Variants in VIPR1 observed in about 807,000 individuals in gnomAD.
VIPR1 encodes vasoactive intestinal peptide receptor 1, also known as vasoactive intestinal polypeptide receptor 1.
Under a neutral mutation model 58.8 loss-of-function variants are expected in VIPR1, and 59 were observed. That is an observed-to-expected ratio of 1.00 (90% CI 0.81 to 1.25). The LOEUF (loss-of-function observed/expected upper bound fraction) is 1.25. VIPR1 is among the 50% of genes most tolerant of loss of function. The pLI, the probability that VIPR1 is intolerant of heterozygous loss-of-function variation, is 0.00. For synonymous variants in VIPR1, 251 were observed against 242.1 expected (o/e 1.04, Z -0.34); for missense variants, 626 against 602.7 (o/e 1.04, Z -0.40).
chr3:42,520,955 G>A (rs1700886224), intron 3 of VIPR1, among the ~76,000 whole-genome samples: 1 of 152,126 alleles, frequency 6.6e-6, no homozygotes, highest in Admixed American at 6.5e-5. Context: ...GGGACACCCA[G>A]TGCCTGGGCA....
upstream of VIPR1, among the ~76,000 whole-genome samples, chr3:42,499,386 G>A (rs1220778078): frequency 6.6e-6 from 1 of 152,216 alleles, no homozygotes; most frequent in Non-Finnish European, 1.5e-5. Context: ...GGCTCAGAAT[G>A]AGTAACTGCA....
intron 6 of VIPR1, chr3:42,530,564 T>A: frequency 1.8e-6 from 1 of 544,356 alleles, no homozygotes; most frequent in Non-Finnish European, 3.2e-6. Flanking sequence ...GATGGATGGA[T>A]AATTAAAATC....
chr3:42,531,640 C>T (rs953013164), intron 8 of VIPR1, 109 bp downstream of exon 8: 14 of 1,562,120 alleles, frequency 9.0e-6, no homozygotes, highest in African/African-American at 5.4e-5. Context: ...CCACAGCTCT[C>T]GGGCCAGAGG....
In VIPR1 at chr3:42,535,010, T is replaced by C. The variant is rs2125681483; in HGVS notation, c.1046T>C (p.Leu349Pro). 6.2e-7 allele frequency: 1 copy of C among 1,614,156 alleles called. No individual in the cohort carries two copies. The highest frequency in any genetic ancestry group is 2.2e-5 in the East Asian group (1 of 44,874). The change falls in exon 11 of 13, where the codon CTG becomes CCG. Residue 349 changes from leucine to proline, a missense_variant. Transcript: ENST00000325123. ...AGGTCCACACTCCTGCTGATCCCCC[T>C]GTTTGGAGTACACTACATCATGTTC... ...LARSTLLLIPLFGVHYIMFAF... is the reference protein window; with the variant it reads ...LARSTLLLIPPFGVHYIMFAF...
rs1700788227 is a variant in VIPR1, at chr3:42,519,251, C to T, written c.213C>T (p.Thr71=). Residue 71 remains threonine (T), a synonymous_variant, in exon 3 of 13, where the codon ACC becomes ACT. Transcript: ENST00000325123. Reference sequence around the variant, plus strand: ...GCAGCAAGATGTGGGACAACCTCACCTGCTGGCCAGCCACCCCTCGGGGCC... The same window carrying T: ...GCAGCAAGATGTGGGACAACCTCACTTGCTGGCCAGCCACCCCTCGGGGCC... ...IGCSKMWDNL[T]CWPATPRGQV... 6.2e-7 allele frequency: 1 copy of T among 1,610,856 alleles called. No individual in the cohort carries two copies. The highest frequency in any genetic ancestry group is 1.7e-4 in the Middle Eastern group (1 of 6,058).
intron 3 of VIPR1, among the ~76,000 whole-genome samples, chr3:42,523,752 T>A (rs1362798376): frequency 1.3e-5 from 2 of 152,144 alleles, no homozygotes; most frequent in Non-Finnish European, 2.9e-5. Flanking sequence ...CCCCGGTCCC[T>A]CTGGTGAGTA....
intron 1 of VIPR1, among the ~76,000 whole-genome samples, chr3:42,496,028 G>A (rs1011103642): frequency 1.1e-4 from 16 of 152,076 alleles, no homozygotes; most frequent in African/African-American, 3.6e-4. Context: ...ATTTGTGGTA[G>A]GAGTTCGAGA....
At chr3:42,495,827 A>G (rs1460503181) in intron 1 of VIPR1, among the ~76,000 whole-genome samples, 1 of 151,998 alleles carries the variant, frequency 6.6e-6, no homozygotes, top group East Asian at 1.9e-4. Context: ...AAATTGAACC[A>G]CCTGAAAGAA....
chr3:42,524,640 C>T (rs964838030), intron 3 of VIPR1, among the ~76,000 whole-genome samples: 34 of 152,246 alleles, frequency 2.2e-4, no homozygotes, highest in Non-Finnish European at 4.1e-4. Flanking sequence ...CTGGTATATT[C>T]CGGGCATACG....
At chr3:42,517,942 C>CTCCA (rs1229577621) in intron 2 of VIPR1, among the ~76,000 whole-genome samples, 1 of 152,046 alleles carries the variant, frequency 6.6e-6, no homozygotes, top group Non-Finnish European at 1.5e-5. Context: ...TGCCATTGTA[C>CTCCA]TCCAGCCTGG....
At chr3:42,516,356 G>C (rs1023414710) in intron 2 of VIPR1, among the ~76,000 whole-genome samples, 2 of 152,176 alleles carry the variant, frequency 1.3e-5, no homozygotes, top group Non-Finnish European at 2.9e-5. Flanking sequence ...ATTCATGGCT[G>C]TCACCCCGTC....
chr3:42,530,816 G>A lies in VIPR1; in HGVS notation c.674G>A (p.Cys225Tyr), dbSNP rs779276444. The A allele has an allele frequency of 1.2e-6, 2 of 1,613,962 alleles. No homozygotes were observed. Among genetic ancestry groups the A allele is most frequent in the Admixed American group, 1.7e-5 (1 of 60,002 alleles). ...GCAGCCATGGTCTTTTTCCAATATT[G>A]TGTCATGGCTAACTTCTTCTGGCTG... ...CKAAMVFFQYCVMANFFWLLV... is the reference protein window; with the variant it reads ...CKAAMVFFQYYVMANFFWLLV... The change falls in exon 7 of 13, where the codon TGT becomes TAT. Residue 225 changes from cysteine to tyrosine, a missense_variant. Physicochemically the swap from Cys to Tyr is radical, Grantham distance 194. Transcript: ENST00000325123.
intron 3 of VIPR1, 193 bp downstream of exon 3, chr3:42,519,523 T>C (rs1440602683): frequency 2.1e-6 from 1 of 477,796 alleles, no homozygotes; most frequent in Admixed American, 4.3e-5. Context: ...CACATAAAGA[T>C]AAGCATGTGG....
At chr3:42,506,837 G>A (rs1306314002) in intron 1 of VIPR1, 1 of 151,938 alleles carries the variant, frequency 6.6e-6, no homozygotes, top group African/African-American at 2.4e-5. Context: ...CCCCTTAGAA[G>A]TATTTCTGAA....
intron 3 of VIPR1, among the ~76,000 whole-genome samples, chr3:42,519,882 G>A (rs946983189): frequency 4.6e-5 from 7 of 152,344 alleles, no homozygotes; most frequent in Middle Eastern, 3.4e-3. Flanking sequence ...CAGGCACTGA[G>A]CTGGACAAAC....
chr3:42,522,125 TTTTTTA>T (rs1482764897), intron 3 of VIPR1, among the ~76,000 whole-genome samples: 1,231 of 93,128 alleles, frequency 0.013, 45 homozygotes, highest in African/African-American at 0.056. Flanking sequence ...TTTTTTTTTT[TTTTTTA>T]GACAGCGTCT....
At position 42,534,958 on chromosome 3, in the gene VIPR1, C is replaced by T; in HGVS notation, c.1011-17C>T. The stretch of plus-strand genomic sequence containing the variant: ...GTGGACACACATACCCATGGCCTGT[C>T]CCTCCCCTGTCTCCAGAAGGCTAGC... On this transcript the variant is annotated splice_polypyrimidine_tract_variant and intron_variant, in intron 10 of 12. Transcript: ENST00000325123. The T allele has an allele frequency of 6.2e-7, 1 of 1,613,934 alleles. No homozygotes were observed. Among genetic ancestry groups the T allele is most frequent in the African/African-American group, 1.3e-5 (1 of 75,072 alleles).
chr3:42,527,356 C>A (rs748860446), intron 4 of VIPR1, 37 bp from the exon 5 acceptor site: 32 of 1,599,646 alleles, frequency 2.0e-5, no homozygotes, highest in Non-Finnish European at 2.2e-5. Flanking sequence ...AGCCTCCCAC[C>A]CCACCACCCA....
chr3:42,513,941 C>T (rs1428081123), intron 2 of VIPR1, 87 bp downstream of exon 2: 81 of 1,407,778 alleles, frequency 5.8e-5, no homozygotes, highest in South Asian at 1.6e-4. Flanking sequence ...AAGTCACGTT[C>T]GTTCCACATT....
Sources: gnomAD v4.1 joint callset for allele counts (sites outside exome capture counted in the v4.1 genomes callset) on GRCh38, gnomAD v4.1.1 for gene constraint, MANE v1.5 for transcripts, NCBI Gene and HGNC (gene_info 2026-07-23, HGNC 2026-07-21) for gene names.